NTN1: variants seen among roughly 807,000 people sequenced by gnomAD.
NTN1 encodes the protein netrin 1.
Under a neutral mutation model 54.2 loss-of-function variants are expected in NTN1, and 11 were observed. That is an observed-to-expected ratio of 0.20 (90% CI 0.13 to 0.34). NTN1 has a LOEUF of 0.34. Among genes scored for constraint, NTN1 ranks in the 10% least tolerant of loss-of-function variants. NTN1 has a pLI of 1.00. For missense variants in NTN1, 740 were observed against 893.1 expected (o/e 0.83, Z 2.18); for synonymous variants, 371 against 382.0 (o/e 0.97, Z 0.33).
At chr17:9,104,185 G>C (rs929865925) in intron 2 of NTN1, among the ~76,000 whole-genome samples, 1 of 151,842 alleles carries the variant, frequency 6.6e-6, no homozygotes, top group South Asian at 2.1e-4. Context: ...AAGCAGAATG[G>C]TGGTTGCCCG....
At chr17:9,142,304 A>G (rs937219043) in intron 2 of NTN1, among the ~76,000 whole-genome samples, 2 of 150,726 alleles carry the variant, frequency 1.3e-5, no homozygotes, top group Non-Finnish European at 3.0e-5. Flanking sequence ...GAAAAAAAAA[A>G]AAAGAAAAAA....
At chr17:9,044,779 C>T (rs565596047) in intron 2 of NTN1, among the ~76,000 whole-genome samples, 27 of 152,164 alleles carry the variant, frequency 1.8e-4, no homozygotes, top group African/African-American at 5.8e-4. Flanking sequence ...ACATGTAACT[C>T]GATCTTCCAC....
At chr17:9,017,514 G>A (rs552759760), upstream of NTN1, among the ~76,000 whole-genome samples, 1 of 152,230 alleles carries the variant, frequency 6.6e-6, no homozygotes, top group East Asian at 1.9e-4. Flanking sequence ...GAGTCCCCTG[G>A]TTTTCCTCCT....
chr17:9,125,320 G>C (rs1440715214), intron 2 of NTN1, among the ~76,000 whole-genome samples: 1 of 151,770 alleles, frequency 6.6e-6, no homozygotes, highest in East Asian at 1.9e-4. Context: ...TCCGCCTCCC[G>C]GGTTCAAGCA....
chr17:9,185,021 G>A lies in NTN1; in HGVS notation c.1411+2052G>A, dbSNP rs57002469. 4.9e-3 allele frequency among the ~76,000 whole-genome samples: 742 copies of A among 152,296 alleles called. 5 individuals are homozygous for A. The highest frequency in any genetic ancestry group is 0.017 in the African/African-American group (719 of 41,556). Reference sequence around the variant, plus strand: ...AACCTTTAAAAGCATGGTTTAAACCGAAGCGAGCAGTAAATAAACACCCTT... The same window carrying A: ...AACCTTTAAAAGCATGGTTTAAACCAAAGCGAGCAGTAAATAAACACCCTT... On this transcript the variant is annotated intron_variant, in intron 5 of 6. Transcript: ENST00000173229.
intron 2 of NTN1, among the ~76,000 whole-genome samples, chr17:9,066,438 C>T: frequency 6.6e-6 from 1 of 151,386 alleles, no homozygotes; most frequent in African/African-American, 2.4e-5. Context: ...ACCAGCCTGG[C>T]CAATATGGTG....
At chr17:9,144,668 G>C (rs547859521) in intron 2 of NTN1, among the ~76,000 whole-genome samples, 7 of 152,324 alleles carry the variant, frequency 4.6e-5, no homozygotes, top group Non-Finnish European at 8.8e-5. Context: ...GGTGACTGGC[G>C]CAGGCCGCAT....
At position 9,219,406 on chromosome 17, in the gene NTN1, G is replaced by A. The variant is rs929828003; in HGVS notation, c.1412-1762G>A. Among the ~76,000 whole-genome samples the A allele has an allele frequency of 3.3e-5, 5 of 152,320 alleles. No individual in the cohort carries two copies. The East Asian group carries it at 7.7e-4, about 23-fold the overall frequency. ...AGCAGGGGTGTCATGAAGGGGCTCC[G>A]AGGGCTCAGATCATAGGGAGCAGGA... On this transcript the variant is annotated intron_variant, in intron 5 of 6. Transcript: ENST00000173229. This position sits in a 1 kb window ranked among gnomAD's most constrained non-coding sequence, Gnocchi z 4.5.
chr17:9,040,638 T>C (rs1244226404), intron 2 of NTN1, among the ~76,000 whole-genome samples: 2 of 152,204 alleles, frequency 1.3e-5, no homozygotes, highest in African/African-American at 4.8e-5. Context: ...TATATAATAA[T>C]GGTAATGTAC....
At chr17:9,084,171 G>T (rs1307910549) in intron 2 of NTN1, among the ~76,000 whole-genome samples, 1 of 152,148 alleles carries the variant, frequency 6.6e-6, no homozygotes, top group Non-Finnish European at 1.5e-5. Context: ...GCAGTGGCTT[G>T]ATCTAAGCTC....
chr17:9,030,608 G>T (rs894016278), intron 2 of NTN1, among the ~76,000 whole-genome samples: 2 of 152,002 alleles, frequency 1.3e-5, no homozygotes, highest in Non-Finnish European at 1.5e-5. Flanking sequence ...AGTCAGGCGT[G>T]GTGGCACGTG....
intron 3 of NTN1, among the ~76,000 whole-genome samples, chr17:9,167,355 C>G (rs538832050): frequency 1.3e-5 from 2 of 152,304 alleles, no homozygotes; most frequent in South Asian, 4.1e-4. Context: ...GCTATTTAAC[C>G]ATTTCGGCCC....
chr17:9,003,977 A>C, the NTN1 span, among the ~76,000 whole-genome samples: 1 of 151,706 alleles, frequency 6.6e-6, no homozygotes, highest in Non-Finnish European at 1.5e-5. The surrounding 1 kb of genome is among the most constrained non-coding windows in gnomAD (Gnocchi z 7.4). Flanking sequence ...GGAATCACTC[A>C]CTCGAGTGCC....
intron 5 of NTN1, among the ~76,000 whole-genome samples, chr17:9,189,443 C>A (rs1205778500): frequency 1.3e-5 from 2 of 152,238 alleles, no homozygotes; most frequent in Admixed American, 6.5e-5. Flanking sequence ...CCTCCACCTT[C>A]CTGTTTCAAG....
At chr17:9,196,975 GA>G (rs1904650246) in intron 5 of NTN1, among the ~76,000 whole-genome samples, 1 of 152,056 alleles carries the variant, frequency 6.6e-6, no homozygotes, top group Non-Finnish European at 1.5e-5. Flanking sequence ...CTGGGAGTTT[GA>G]AATTGGCCAT....
In NTN1 at chr17:9,212,826, C is replaced by T. The variant is rs1905140364; in HGVS notation, c.1412-8342C>T. 6.6e-6 allele frequency among the ~76,000 whole-genome samples: 1 copy of T among 152,188 alleles called. No individual in the cohort carries two copies. The highest frequency in any genetic ancestry group is 1.5e-5 in the Non-Finnish European group (1 of 68,038). On this transcript the variant is annotated intron_variant, in intron 5 of 6. Coordinates refer to ENST00000173229, the MANE Select transcript of NTN1 (RefSeq NM_004822.3). This position sits in a 1 kb window ranked among gnomAD's most constrained non-coding sequence, Gnocchi z 5.5. The stretch of plus-strand genomic sequence containing the variant: ...GCGAGTGGGCCAGGGCTGCTGAGAG[C>T]GAGACCTTTGCCAGCTCCCCGCCCT...
intron 2 of NTN1, among the ~76,000 whole-genome samples, chr17:9,115,009 C>G (rs181242416): frequency 3.9e-4 from 60 of 152,286 alleles, no homozygotes; most frequent in African/African-American, 1.3e-3. Context: ...CTGCATTTTT[C>G]TTGGGTGGAT....
the NTN1 span, among the ~76,000 whole-genome samples, chr17:9,016,006 G>A: frequency 7.9e-3 from 1,198 of 151,892 alleles, 19 homozygotes; most frequent in African/African-American, 0.027. Flanking sequence ...CCCAGGAGGC[G>A]GAGGTTGCAG....
intron 2 of NTN1, among the ~76,000 whole-genome samples, chr17:9,133,444 G>A (rs2092271682): frequency 6.6e-6 from 1 of 152,224 alleles, no homozygotes; most frequent in African/African-American, 2.4e-5. Flanking sequence ...TTGAGCTGGG[G>A]CCTTAGGTTT....
Sources: gnomAD v4.1 joint callset for allele counts (sites outside exome capture counted in the v4.1 genomes callset) on GRCh38, gnomAD v4.1.1 for gene constraint, Gnocchi (gnomAD v3.1) non-coding constraint, MANE v1.5 for transcripts, NCBI Gene and HGNC (gene_info 2026-07-23, HGNC 2026-07-21) for gene names.